Variants in HTT-AS observed in about 807,000 individuals in gnomAD.
HTT-AS encodes the protein HTT antisense RNA (head to head).
chr4:3,074,523 CA>C (rs1712343867), exon 1 of HTT-AS: 2 of 293,234 alleles, frequency 6.8e-6, no homozygotes, highest in African/African-American at 4.5e-5. Context: ...CTGTGTGAGG[CA>C]GAACCTGCGG....
intron 1 of HTT-AS, among the ~76,000 whole-genome samples, chr4:3,072,853 C>T (rs1490325108): frequency 6.6e-6 from 1 of 152,212 alleles, no homozygotes; most frequent in Non-Finnish European, 1.5e-5. Flanking sequence ...GTCTCGAACT[C>T]CTGACCTCTG....
chr4:3,051,822 C>A (rs1427675073), intron 2 of HTT-AS, among the ~76,000 whole-genome samples: 1 of 151,858 alleles, frequency 6.6e-6, no homozygotes, highest in Non-Finnish European at 1.5e-5. Flanking sequence ...GCTTAAAACC[C>A]CATAAGCTTG....
rs560378919 is a variant in HTT-AS, at chr4:3,071,751, G to A, written n.113+2675C>T. ...AGATCATTAGGGTGGGCCATAATCC[G>A]ACTGATGTCTTACAAGAAGAGATTA... is the stretch of plus-strand genomic sequence containing the variant. On this transcript the variant is annotated intron_variant and non_coding_transcript_variant, in intron 1 of 2. Coordinates refer to ENST00000664062, the Ensembl canonical transcript of HTT-AS. Among the ~76,000 whole-genome samples the A allele has an allele frequency of 2.4e-4, 37 of 152,202 alleles. 1 individual carries two copies. The highest frequency in any genetic ancestry group is 6.0e-4 in the African/African-American group (25 of 41,524).
chr4:3,067,969 C>G (rs1224416444), intron 1 of HTT-AS, among the ~76,000 whole-genome samples: 2 of 152,110 alleles, frequency 1.3e-5, no homozygotes, highest in East Asian at 3.9e-4. Flanking sequence ...TTCAAAGCAG[C>G]AGCCATGAAA....
At chr4:3,073,159 G>T (rs1334888871) in intron 1 of HTT-AS, among the ~76,000 whole-genome samples, 1 of 152,242 alleles carries the variant, frequency 6.6e-6, no homozygotes, top group Non-Finnish European at 1.5e-5. Flanking sequence ...CAGGCTCTGA[G>T]ACAAGGCGGA....
chr4:3,058,093 A>G (rs1013409835), intron 2 of HTT-AS, among the ~76,000 whole-genome samples: 10 of 151,750 alleles, frequency 6.6e-5, no homozygotes, highest in Non-Finnish European at 1.2e-4. Context: ...TTGGGAGGCC[A>G]AGGCGGGCAG....
chr4:3,055,832 C>T (rs35342954), intron 2 of HTT-AS, among the ~76,000 whole-genome samples: 13,973 of 152,120 alleles, frequency 0.092, 858 homozygotes, highest in African/African-American at 0.17. Context: ...AATTTTACAC[C>T]CCCTGCAATA....
intron 1 of HTT-AS, among the ~76,000 whole-genome samples, chr4:3,073,262 C>T (rs1283409191): frequency 6.6e-6 from 1 of 152,192 alleles, no homozygotes; most frequent in Non-Finnish European, 1.5e-5. Flanking sequence ...GCCTGCATCA[C>T]CCCCCGGCTG....
chr4:3,051,028 ATTTGTGTG>A (rs1252988441), intron 2 of HTT-AS, among the ~76,000 whole-genome samples: 35 of 83,308 alleles, frequency 4.2e-4, no homozygotes, highest in African/African-American at 1.6e-3. Flanking sequence ...ATCCCTTACA[ATTTGTGTG>A]TGTGTGTGTG....
intron 2 of HTT-AS, among the ~76,000 whole-genome samples, chr4:3,049,906 TCACACACACACACA>T (rs57430954): frequency 0.02 from 2,671 of 134,704 alleles, 87 homozygotes; most frequent in African/African-American, 0.07. Flanking sequence ...TTGTAAGTTA[TCACACACACACACA>T]CACACACACA....
chr4:3,068,153 A>C (rs1490375286), intron 1 of HTT-AS, among the ~76,000 whole-genome samples: 1 of 151,828 alleles, frequency 6.6e-6, no homozygotes, highest in African/African-American at 2.4e-5. Flanking sequence ...AAAATACAAA[A>C]AAATTAGTCG....
At chr4:3,064,971 G>C (rs1408587999) in intron 1 of HTT-AS, among the ~76,000 whole-genome samples, 3 of 152,126 alleles carry the variant, frequency 2.0e-5, no homozygotes, top group Non-Finnish European at 4.4e-5. Context: ...ATAATGCATG[G>C]ATGGTTCAAT....
chr4:3,074,507 G>T (rs1043059602), exon 1 of HTT-AS: 7 of 270,698 alleles, frequency 2.6e-5, no homozygotes, highest in Admixed American at 5.6e-5. Flanking sequence ...GCTGTCAGCG[G>T]CCTTGCTGTG....
chr4:3,046,943 C>T (rs1006137193), downstream of HTT-AS, among the ~76,000 whole-genome samples: 8 of 152,270 alleles, frequency 5.3e-5, no homozygotes, highest in South Asian at 1.7e-3. Flanking sequence ...GGCGGCAAGC[C>T]ACCCAGCTGC....
intron 2 of HTT-AS, among the ~76,000 whole-genome samples, chr4:3,062,203 A>AT (rs908231262): frequency 2.0e-4 from 31 of 151,478 alleles, no homozygotes; most frequent in African/African-American, 2.7e-4. Flanking sequence ...CTAATGTTTT[A>AT]TTTTTTTTGT....
chr4:3,061,682 C>CGG (rs1553907854), intron 2 of HTT-AS, among the ~76,000 whole-genome samples: 3 of 64,572 alleles, frequency 4.6e-5, no homozygotes, highest in Admixed American at 4.1e-4. Context: ...AACTCCATCT[C>CGG]AGAAAAAAAA....
chr4:3,058,815 G>A (rs1279817936), intron 2 of HTT-AS, among the ~76,000 whole-genome samples: 1 of 151,860 alleles, frequency 6.6e-6, no homozygotes, highest in African/African-American at 2.4e-5. Context: ...CACCTCCGAG[G>A]TTCCAGCGAT....
chr4:3,065,782 C>A (rs1172460793), intron 1 of HTT-AS, among the ~76,000 whole-genome samples: 2 of 152,128 alleles, frequency 1.3e-5, no homozygotes, highest in Non-Finnish European at 2.9e-5. Context: ...TGGGAGCTTC[C>A]CAGCTTCACA....
chr4:3,073,721 G>C (rs1266380951), intron 1 of HTT-AS, among the ~76,000 whole-genome samples: 4 of 152,220 alleles, frequency 2.6e-5, no homozygotes, highest in Non-Finnish European at 5.9e-5. Flanking sequence ...CAGCTCACTG[G>C]GGGTGGGGTG....
Sources: allele counts gnomAD v4.1 joint callset (sites outside exome capture counted in the v4.1 genomes callset), GRCh38; gene constraint gnomAD v4.1.1; transcripts MANE v1.5; gene names NCBI Gene and HGNC (gene_info 2026-07-23, HGNC 2026-07-21).